IL1RAPL2: variants seen among roughly 807,000 people sequenced by gnomAD.
IL1RAPL2 encodes interleukin 1 receptor accessory protein like 2.
A neutral mutation model predicts 44.1 loss-of-function variants in IL1RAPL2; 3 were observed. The ratio of observed to expected loss-of-function variants is 0.07; its 90% confidence interval spans 0.03 to 0.18. The LOEUF (loss-of-function observed/expected upper bound fraction) is 0.18, where lower values mean the gene tolerates loss of function less well. IL1RAPL2 is among the 10% of genes least tolerant of loss of function. The probability of loss-of-function intolerance (pLI) is 1.00; values close to 1 mark genes in which losing one functional copy is unlikely to be tolerated. For missense variants in IL1RAPL2, 391 were observed against 496.4 expected (o/e 0.79, Z 2.02); for synonymous variants, 181 against 178.8 (o/e 1.01, Z -0.10).
chrX:105,130,533 G>A (rs1375177955), intron 2 of IL1RAPL2, among the ~76,000 whole-genome samples: 2 of 111,180 alleles, frequency 1.8e-5, no homozygotes, highest in Non-Finnish European at 3.8e-5. Context: ...CCATCCAGGA[G>A]GATGCAAATA....
chrX:105,074,346 G>A (rs765001978), intron 2 of IL1RAPL2, among the ~76,000 whole-genome samples: 2,535 of 111,127 alleles, frequency 0.023, 33 homozygotes, highest in Non-Finnish European at 0.039. Flanking sequence ...AAGATCAGAT[G>A]GTTGTAGATA....
At chrX:105,631,339 AG>A (rs1415596066) in intron 6 of IL1RAPL2, among the ~76,000 whole-genome samples, 10 of 112,038 alleles carry the variant, frequency 8.9e-5, no homozygotes, top group Non-Finnish European at 5.6e-5. Flanking sequence ...AAAGGGTTAA[AG>A]CTGAATAGCA....
chrX:104,952,161 C>T (rs1455105008), intron 2 of IL1RAPL2, among the ~76,000 whole-genome samples: 2 of 112,104 alleles, frequency 1.8e-5, no homozygotes, highest in African/African-American at 6.5e-5. Context: ...TTTTTCAGCA[C>T]AAAATACCCT....
chrX:105,122,623 A>G (rs993953685), intron 2 of IL1RAPL2, among the ~76,000 whole-genome samples: 2 of 111,566 alleles, frequency 1.8e-5, no homozygotes, highest in Non-Finnish European at 3.8e-5. Flanking sequence ...CCAATGTGGA[A>G]AAGTCACATA....
At chrX:105,371,184 C>A (rs2035336791) in intron 5 of IL1RAPL2, among the ~76,000 whole-genome samples, 1 of 111,879 alleles carries the variant, frequency 8.9e-6, no homozygotes, top group South Asian at 3.7e-4. Flanking sequence ...TGTAGGTTGT[C>A]TCTTTATTGT....
chrX:105,261,610 G>A (rs189642774), intron 4 of IL1RAPL2, among the ~76,000 whole-genome samples: 2 of 111,466 alleles, frequency 1.8e-5, no homozygotes, highest in East Asian at 5.6e-4. Flanking sequence ...TTTAGTGTGA[G>A]GTTTTTAGAT....
At chrX:104,639,273 G>A (rs1208070398) in intron 1 of IL1RAPL2, among the ~76,000 whole-genome samples, 3 of 110,912 alleles carry the variant, frequency 2.7e-5, no homozygotes, top group Non-Finnish European at 5.7e-5. Context: ...CCATTTTTGT[G>A]GAATGTCTTT....
At chrX:104,942,034 T>G (rs773035579) in intron 2 of IL1RAPL2, among the ~76,000 whole-genome samples, 1 of 111,348 alleles carries the variant, frequency 9.0e-6, no homozygotes, top group Non-Finnish European at 1.9e-5. Flanking sequence ...ATTTCTGAGG[T>G]CTCTGTTCTG....
chrX:105,759,335 A>G (rs186030091), intron 10 of IL1RAPL2, among the ~76,000 whole-genome samples: 5 of 111,668 alleles, frequency 4.5e-5, no homozygotes, highest in African/African-American at 1.6e-4. Context: ...CCAGTTTTGG[A>G]TGAAGCTTTA....
chrX:105,117,331 TG>T (rs1463145310), intron 2 of IL1RAPL2, among the ~76,000 whole-genome samples: 1 of 111,980 alleles, frequency 8.9e-6, no homozygotes, highest in East Asian at 2.8e-4. Context: ...TTGACTTTTT[TG>T]GGGAAAATGT....
chrX:104,594,174 G>A (rs1053049049), intron 1 of IL1RAPL2, among the ~76,000 whole-genome samples: 9 of 111,431 alleles, frequency 8.1e-5, no homozygotes, highest in African/African-American at 2.3e-4. Flanking sequence ...GTCTTATTCA[G>A]GTCTGTATCC....
At position 104,918,117 on chromosome X, in the gene IL1RAPL2, G is replaced by A. The variant is rs775511842; in HGVS notation, c.82+259122G>A. Among the ~76,000 whole-genome samples the A allele has an allele frequency of 1.2e-4, 13 of 112,153 alleles. No individual in the cohort carries two copies. In the South Asian group the frequency reaches 3.7e-3, roughly 32 times the overall value. ...ACTATAGAATTTTCCATGGTCTGTC[G>A]CTACCAGTGTTTCTCAACTGAACGT... On this transcript the variant is annotated intron_variant, in intron 2 of 10. Coordinates refer to ENST00000372582, the MANE Select transcript of IL1RAPL2 (RefSeq NM_017416.2).
chrX:104,777,430 T>C (rs7884680), intron 2 of IL1RAPL2, among the ~76,000 whole-genome samples: 40,967 of 108,792 alleles, frequency 0.38, 5,995 homozygotes, highest in East Asian at 0.46. Context: ...CCACATTTTG[T>C]TCATTCATTC....
intron 2 of IL1RAPL2, among the ~76,000 whole-genome samples, chrX:104,906,339 A>G (rs1449817126): frequency 5.4e-5 from 6 of 110,128 alleles, no homozygotes; most frequent in African/African-American, 1.3e-4. Context: ...TTCCAACACT[A>G]TGTTGAATAG....
chrX:105,040,755 A>T (rs1222978174), intron 2 of IL1RAPL2, among the ~76,000 whole-genome samples: 3 of 109,273 alleles, frequency 2.7e-5, no homozygotes, highest in African/African-American at 1.0e-4. Context: ...TATTGTGTCT[A>T]TTTGATTCTT....
intron 2 of IL1RAPL2, among the ~76,000 whole-genome samples, chrX:105,033,331 C>T (rs888434419): frequency 1.0e-3 from 114 of 111,842 alleles, no homozygotes; most frequent in Non-Finnish European, 1.9e-3. Context: ...ATGGTCTTTA[C>T]ATTTTGGCAT....
chrX:104,846,382 T>C (rs1476765046), intron 2 of IL1RAPL2, among the ~76,000 whole-genome samples: 3 of 109,651 alleles, frequency 2.7e-5, no homozygotes, highest in Non-Finnish European at 5.7e-5. Flanking sequence ...GTGTGTGATG[T>C]TCCCCTTCCT....
chrX:105,476,160 A>G (rs2036196419), intron 5 of IL1RAPL2, among the ~76,000 whole-genome samples: 1 of 112,905 alleles, frequency 8.9e-6, no homozygotes, highest in African/African-American at 3.2e-5. Context: ...ACAATAACTG[A>G]CTTTAAGTTC....
intron 2 of IL1RAPL2, among the ~76,000 whole-genome samples, chrX:105,131,949 C>G (rs2033031110): frequency 9.0e-6 from 1 of 111,019 alleles, no homozygotes; most frequent in Non-Finnish European, 1.9e-5. Flanking sequence ...TTAAAGACTT[C>G]TGTGAATTGG....
Sources: gnomAD v4.1 joint callset for allele counts (sites outside exome capture counted in the v4.1 genomes callset) on GRCh38, gnomAD v4.1.1 for gene constraint, MANE v1.5 for transcripts, NCBI Gene and HGNC (gene_info 2026-07-23, HGNC 2026-07-21) for gene names.